Variants in FNBP1L observed in about 807,000 individuals in gnomAD.
FNBP1L encodes formin binding protein 1 like, also known as formin-binding protein 1-like.
FNBP1L carries 36 observed loss-of-function variants against 91.2 expected under a neutral mutation model. That is an observed-to-expected ratio of 0.39 (90% CI 0.30 to 0.52). The LOEUF is 0.52. Ranked by LOEUF, FNBP1L falls within the 20% of genes least tolerant of loss-of-function variation. The probability of loss-of-function intolerance (pLI) is 0.66; values close to 1 mark genes in which losing one functional copy is unlikely to be tolerated. For missense variants in FNBP1L, 571 were observed against 732.1 expected (o/e 0.78, Z 2.54); for synonymous variants, 242 against 237.0 (o/e 1.02, Z -0.19).
chr1:93,469,122 C>T (rs1208654593), intron 1 of FNBP1L, among the ~76,000 whole-genome samples: 1 of 151,912 alleles, frequency 6.6e-6, no homozygotes, highest in Non-Finnish European at 1.5e-5. Flanking sequence ...TTCTAGGGTA[C>T]ATGTGCACAA....
intron 2 of FNBP1L, among the ~76,000 whole-genome samples, chr1:93,517,660 G>A (rs1457614469): frequency 6.6e-6 from 1 of 152,216 alleles, no homozygotes; most frequent in Non-Finnish European, 1.5e-5. Flanking sequence ...TTAAAAATAG[G>A]TAGTGGGACA....
chr1:93,547,716 G>A (rs1366681443), intron 14 of FNBP1L, among the ~76,000 whole-genome samples: 2 of 152,028 alleles, frequency 1.3e-5, no homozygotes, highest in Non-Finnish European at 2.9e-5. Flanking sequence ...TAGGCTCCTC[G>A]GGCATGGGAA....
Position 93,552,575 on chromosome 1 carries a change from TC to T in FNBP1L, c.*161del. 2 of 609,438 alleles carry T rather than the reference TC, an allele frequency of 3.3e-6. No individual in the cohort carries two copies. The highest frequency in any genetic ancestry group is 5.4e-6 in the Non-Finnish European group (2 of 368,428). 37.8% of individuals were successfully genotyped at this position (609,438 alleles called of 1,614,324 possible). On this transcript the variant is annotated 3_prime_UTR_variant, in exon 17 of 17. Transcript: ENST00000271234. ...TTTTTTTACTAACTTCATTAGCATT[TC>T]CATACATTGTTTTTAAAAATCATAA...
intron 1 of FNBP1L, among the ~76,000 whole-genome samples, chr1:93,475,710 TGTAAA>T (rs1342370531): frequency 6.6e-6 from 1 of 152,162 alleles, no homozygotes; most frequent in Non-Finnish European, 1.5e-5. Context: ...TAACATAACT[TGTAAA>T]GGATAAAAAC....
intron 5 of FNBP1L, among the ~76,000 whole-genome samples, chr1:93,526,338 A>G (rs947336451): frequency 3.3e-5 from 5 of 152,156 alleles, no homozygotes; most frequent in South Asian, 2.1e-4. Flanking sequence ...TCTCCTTTTC[A>G]TCTGTCTACT....
chr1:93,495,857 T>C (rs1195265965), intron 1 of FNBP1L, among the ~76,000 whole-genome samples: 1 of 152,212 alleles, frequency 6.6e-6, no homozygotes, highest in Non-Finnish European at 1.5e-5. Flanking sequence ...ATCTGTGTCA[T>C]GTGCAAATAT....
intron 10 of FNBP1L, among the ~76,000 whole-genome samples, chr1:93,540,610 T>C (rs1442341806): frequency 1.3e-5 from 2 of 152,130 alleles, no homozygotes; most frequent in Non-Finnish European, 2.9e-5. Context: ...TTTAACACAC[T>C]GGAAAGAACA....
At chr1:93,468,221 T>C (rs1474581119) in intron 1 of FNBP1L, among the ~76,000 whole-genome samples, 1 of 152,240 alleles carries the variant, frequency 6.6e-6, no homozygotes, top group Non-Finnish European at 1.5e-5. Flanking sequence ...CATTGGTGAC[T>C]GGCATGTTTC....
intron 2 of FNBP1L, among the ~76,000 whole-genome samples, chr1:93,507,912 G>A (rs1314574609): frequency 1.3e-5 from 2 of 149,668 alleles, no homozygotes; most frequent in African/African-American, 4.9e-5. Flanking sequence ...GCCTCCCAAA[G>A]TGCTAGGATT....
chr1:93,466,284 T>C (rs1049612535), intron 1 of FNBP1L, among the ~76,000 whole-genome samples: 1 of 152,218 alleles, frequency 6.6e-6, no homozygotes, highest in African/African-American at 2.4e-5. Flanking sequence ...CCCGTGCCTA[T>C]GTCCTGAAAG....
At chr1:93,504,896 CTTGA>C (rs1029263025) in intron 2 of FNBP1L, among the ~76,000 whole-genome samples, 7 of 152,116 alleles carry the variant, frequency 4.6e-5, no homozygotes, top group African/African-American at 1.4e-4. Flanking sequence ...TTTTCATTCT[CTTGA>C]TTGTGTCCTT....
intron 14 of FNBP1L, among the ~76,000 whole-genome samples, chr1:93,548,763 G>A (rs237427): frequency 6.6e-6 from 1 of 152,042 alleles, no homozygotes; most frequent in African/African-American, 2.4e-5. Context: ...AATTCTCTTC[G>A]AAGAGTCCCA....
intron 2 of FNBP1L, among the ~76,000 whole-genome samples, chr1:93,517,715 G>C (rs894136587): frequency 1.3e-5 from 2 of 151,588 alleles, no homozygotes; most frequent in African/African-American, 4.9e-5. Context: ...CATCCTTACT[G>C]TTCTTCTGAA....
At chr1:93,548,896 C>T (rs897972968) in intron 14 of FNBP1L, among the ~76,000 whole-genome samples, 1 of 152,052 alleles carries the variant, frequency 6.6e-6, no homozygotes, top group African/African-American at 2.4e-5. Flanking sequence ...CCACCTGAAG[C>T]GTGTGAACTA....
chr1:93,534,425 C>G (rs553927798), intron 8 of FNBP1L, among the ~76,000 whole-genome samples: 1 of 152,218 alleles, frequency 6.6e-6, no homozygotes, highest in Admixed American at 6.5e-5. Context: ...GCTAAGTAGT[C>G]TTCAGATGAA....
At chr1:93,528,873 G>A (rs1671579694) in intron 5 of FNBP1L, among the ~76,000 whole-genome samples, 1 of 152,058 alleles carries the variant, frequency 6.6e-6, no homozygotes, top group South Asian at 2.1e-4. Flanking sequence ...TTGAAAAAAT[G>A]AAGACATGTA....
chr1:93,451,494 G>A (rs1668491742), intron 1 of FNBP1L, among the ~76,000 whole-genome samples: 1 of 152,020 alleles, frequency 6.6e-6, no homozygotes, highest in Non-Finnish European at 1.5e-5. Context: ...GGAAAATGCT[G>A]GACAAGTCTG....
intron 1 of FNBP1L, among the ~76,000 whole-genome samples, chr1:93,450,137 A>G (rs1668439921): frequency 6.6e-6 from 1 of 152,156 alleles, no homozygotes; most frequent in South Asian, 2.1e-4. Context: ...AAGGAAAAAC[A>G]TTTTAGTGAA....
At chr1:93,455,673 C>T (rs1668637878) in intron 1 of FNBP1L, among the ~76,000 whole-genome samples, 1 of 152,206 alleles carries the variant, frequency 6.6e-6, no homozygotes, top group Non-Finnish European at 1.5e-5. Context: ...TTCCTAGTTT[C>T]ATGAGCTGAT....
Sources: gnomAD v4.1 joint callset for allele counts (sites outside exome capture counted in the v4.1 genomes callset) on GRCh38, gnomAD v4.1.1 for gene constraint, MANE v1.5 for transcripts, NCBI Gene and HGNC (gene_info 2026-07-23, HGNC 2026-07-21) for gene names.